The following USH2A variants were observed in gnomAD, a reference collection of about 807,000 sequenced individuals.
USH2A encodes the protein Usher syndrome 2A (autosomal recessive, mild).
In USH2A, 443 loss-of-function variants were observed where a neutral mutation model predicts 538.9. The observed-to-expected ratio is 0.82, with a 90% CI of 0.76 to 0.89. USH2A has a LOEUF of 0.89. USH2A is among the 40% of genes least tolerant of loss of function. USH2A has a pLI of 0.00. For synonymous variants in USH2A, 2,413 were observed against 2,273.5 expected (o/e 1.06, Z -1.75); for missense variants, 6,633 against 6,324.8 (o/e 1.05, Z -1.65).
intron 61 of USH2A, among the ~76,000 whole-genome samples, chr1:215,727,022 G>T (rs150431369): frequency 7.7e-4 from 117 of 152,214 alleles, no homozygotes; most frequent in African/African-American, 2.7e-3. Context: ...TAGACCATGA[G>T]GTTATGCTGG....
chr1:215,659,413 G>A (rs189914260), intron 64 of USH2A, among the ~76,000 whole-genome samples: 2 of 152,318 alleles, frequency 1.3e-5, no homozygotes, highest in Admixed American at 6.5e-5. Context: ...ATGAGACCAC[G>A]AAAGTCCTCA....
At chr1:216,136,925 C>T (rs903724909) in intron 21 of USH2A, among the ~76,000 whole-genome samples, 1 of 152,202 alleles carries the variant, frequency 6.6e-6, no homozygotes, top group Non-Finnish European at 1.5e-5. Flanking sequence ...TCTCGAACTT[C>T]TAGCCTTCAG....
chr1:215,766,612 T>G, intron 56 of USH2A, 69 bp downstream of exon 56: 1 of 1,391,080 alleles, frequency 7.2e-7, no homozygotes, highest in Admixed American at 1.7e-5. Flanking sequence ...TATGAAGGAG[T>G]TTACAGATTC....
chr1:216,167,963 C>A (rs1459323140), intron 21 of USH2A, among the ~76,000 whole-genome samples: 1 of 152,072 alleles, frequency 6.6e-6, no homozygotes, highest in Non-Finnish European at 1.5e-5. Flanking sequence ...CAATGATGTT[C>A]CCAGATTCCT....
intron 21 of USH2A, among the ~76,000 whole-genome samples, chr1:216,172,507 A>G (rs2034292146): frequency 1.3e-5 from 2 of 152,140 alleles, no homozygotes; most frequent in Admixed American, 6.6e-5. Context: ...ATCATATTAG[A>G]GGTTTCAAGG....
At chr1:215,676,138 C>G (rs1048465602) in intron 62 of USH2A, among the ~76,000 whole-genome samples, 3 of 151,786 alleles carry the variant, frequency 2.0e-5, no homozygotes, top group African/African-American at 7.3e-5. Flanking sequence ...ACACAGACAC[C>G]TATATTTTAT....
In USH2A at chr1:216,354,858, C is replaced by G. The variant is rs146792526; in HGVS notation, c.784+10095G>C. ...AAGAAAGAAAAGTTTGAAGATACAA[C>G]TATCAGAACTTCCAAATGTAATGAA... On this transcript the variant is annotated intron_variant, in intron 4 of 71. Transcript: ENST00000307340. Among the ~76,000 whole-genome samples, 10 of 151,932 alleles carry G rather than the reference C, an allele frequency of 6.6e-5. No individual in the cohort carries two copies. In the East Asian group the frequency reaches 1.9e-3, roughly 30 times the overall value.
At chr1:216,143,189 C>T (rs1429265692) in intron 21 of USH2A, among the ~76,000 whole-genome samples, 1 of 152,086 alleles carries the variant, frequency 6.6e-6, no homozygotes, top group African/African-American at 2.4e-5. Context: ...CTAAAGATTG[C>T]CAAGTGGAGT....
intron 51 of USH2A, 91 bp from the exon 52 acceptor site, chr1:215,786,965 A>G (rs749412849): frequency 1.3e-5 from 17 of 1,279,330 alleles, no homozygotes; most frequent in Non-Finnish European, 1.8e-5. Context: ...TTTCAAATGA[A>G]ATTTTTCCTC....
chr1:216,168,657 G>A (rs1313258849), intron 21 of USH2A, among the ~76,000 whole-genome samples: 7 of 152,224 alleles, frequency 4.6e-5, no homozygotes, highest in African/African-American at 1.7e-4. Flanking sequence ...TGGTTTAGAA[G>A]CCGTGCAGCC....
At chr1:216,290,279 T>C (rs1451794822) in intron 10 of USH2A, among the ~76,000 whole-genome samples, 1 of 152,178 alleles carries the variant, frequency 6.6e-6, no homozygotes, top group East Asian at 1.9e-4. Flanking sequence ...TGAAAACTCA[T>C]ATTCTGATAG....
intron 70 of USH2A, among the ~76,000 whole-genome samples, chr1:215,632,191 G>A (rs1387592150): frequency 1.3e-5 from 2 of 151,964 alleles, no homozygotes; most frequent in Non-Finnish European, 1.5e-5. Context: ...ACCTCCCAAA[G>A]TGCTGGGATT....
At chr1:216,191,744 T>G (rs1558307615) in intron 19 of USH2A, among the ~76,000 whole-genome samples, 1 of 151,948 alleles carries the variant, frequency 6.6e-6, no homozygotes. Context: ...CCTGGTAGAT[T>G]TCAATGTAAA....
At chr1:216,335,703 A>G (rs1369418586) in intron 4 of USH2A, among the ~76,000 whole-genome samples, 1 of 151,590 alleles carries the variant, frequency 6.6e-6, no homozygotes, top group Non-Finnish European at 1.5e-5. Context: ...GAAACACACA[A>G]ACTATGTAAA....
At chr1:215,825,503 A>G (rs1344386854) in intron 47 of USH2A, among the ~76,000 whole-genome samples, 1 of 152,184 alleles carries the variant, frequency 6.6e-6, no homozygotes, top group Non-Finnish European at 1.5e-5. Flanking sequence ...TCACATTACT[A>G]TTCTTTAACA....
At chr1:215,661,208 T>A (rs570000580) in intron 64 of USH2A, among the ~76,000 whole-genome samples, 1 of 152,302 alleles carries the variant, frequency 6.6e-6, no homozygotes, top group Admixed American at 6.5e-5. Context: ...CCCAGATCCA[T>A]CCTCTGCCCT....
Position 216,198,186 on chromosome 1 carries a change from T to G in USH2A, c.4081+129A>C, listed in dbSNP as rs2034894170. ...GTAACAAATCCATATATATGAAAAT[T>G]TTCCTTGGTCTATGGAAGTTTCTAA... On this transcript the variant is annotated intron_variant, in intron 18 of 71. Transcript: ENST00000307340. 3 of 1,359,460 alleles carry G rather than the reference T, an allele frequency of 2.2e-6. No homozygotes were observed. The South Asian group carries it at 4.1e-5, about 19-fold the overall frequency. 84.2% of individuals were successfully genotyped at this position (1,359,460 alleles called of 1,614,324 possible).
At chr1:215,702,338 T>C (rs1051427158) in intron 61 of USH2A, among the ~76,000 whole-genome samples, 2 of 152,218 alleles carry the variant, frequency 1.3e-5, no homozygotes, top group Non-Finnish European at 2.9e-5. Context: ...TAGTGTTCTC[T>C]GTATTTCCTG....
chr1:216,019,004 T>C (rs983626050), intron 32 of USH2A, among the ~76,000 whole-genome samples: 2 of 152,206 alleles, frequency 1.3e-5, no homozygotes, highest in Non-Finnish European at 2.9e-5. Flanking sequence ...AAGTATGCTA[T>C]AAAGTATTTT....
Sources: gnomAD v4.1 joint callset for allele counts (sites outside exome capture counted in the v4.1 genomes callset) on GRCh38, gnomAD v4.1.1 for gene constraint, MANE v1.5 for transcripts, NCBI Gene and HGNC (gene_info 2026-07-23, HGNC 2026-07-21) for gene names.